PIK3C2B: variants seen among roughly 807,000 people sequenced by gnomAD.
The protein encoded by PIK3C2B is phosphatidylinositol 4-phosphate 3-kinase C2 domain-containing subunit beta.
Under a neutral mutation model 184.3 loss-of-function variants are expected in PIK3C2B, and 83 were observed. The observed-to-expected ratio is 0.45, with a 90% confidence interval of 0.38 to 0.54. The LOEUF (loss-of-function observed/expected upper bound fraction) is 0.54, where lower values mean the gene tolerates loss of function less well. Among genes scored for constraint, PIK3C2B ranks in the 20% least tolerant of loss-of-function variants. PIK3C2B has a pLI of 0.00. For missense variants in PIK3C2B, 1,736 were observed against 2,113.5 expected (o/e 0.82, Z 3.50); for synonymous variants, 779 against 837.6 (o/e 0.93, Z 1.21).
In PIK3C2B at chr1:204,457,905, G is replaced by T. The variant is rs566726927; in HGVS notation, c.1567-31C>A. 3.1e-6 allele frequency: 5 copies of T among 1,604,872 alleles called. No individual in the cohort carries two copies. In the African/African-American group the frequency reaches 5.4e-5, roughly 17 times the overall value. ...GGAGGTGGCACAGTGAGGCTGGCAGGCTCTGCTCTCATGCTCTTGGTCTCC... is the reference window on the plus strand; with the variant it reads ...GGAGGTGGCACAGTGAGGCTGGCAGTCTCTGCTCTCATGCTCTTGGTCTCC... On this transcript the variant is annotated intron_variant, in intron 8 of 32. Coordinates refer to ENST00000684373, the MANE Select transcript of PIK3C2B (RefSeq NM_001377334.1).
In PIK3C2B at chr1:204,468,883, A is replaced by C. The variant is rs771442075; in HGVS notation, c.920T>G (p.Ile307Ser). The change falls in exon 2 of 33, where the codon ATT becomes AGT. Residue 307 changes from isoleucine to serine, a missense_variant. By Grantham distance (142) the Ile-to-Ser change is moderately radical. This residue lies in a region of PIK3C2B where 404 missense variants were observed against 418.0 expected (regional missense o/e 0.97). Coordinates refer to ENST00000684373, the MANE Select transcript of PIK3C2B (RefSeq NM_001377334.1). ...GAAGGTCCTCACCGGGGCTGCAGAA[A>C]TCCGGCGGTTCTTGCCAGGCGTCGC... ...KNATPGKNRR[I>S]SAAPVGSRPH... The C allele has an allele frequency of 5.7e-6, 9 of 1,586,970 alleles. No individual in the cohort carries two copies. The East Asian group carries it at 1.8e-4, about 32-fold the overall frequency.
intron 23 of PIK3C2B, 79 bp downstream of exon 23, chr1:204,438,856 C>T: frequency 1.3e-6 from 2 of 1,499,934 alleles, no homozygotes; most frequent in Admixed American, 1.7e-5. Flanking sequence ...TGAGCAAGTG[C>T]AGGTCTTGTG....
At chr1:204,480,359 A>T (rs1347985304) in intron 1 of PIK3C2B, among the ~76,000 whole-genome samples, 1 of 152,174 alleles carries the variant, frequency 6.6e-6, no homozygotes, top group East Asian at 1.9e-4. Flanking sequence ...CCCAGATGAG[A>T]GGGAGGACCA....
chr1:204,424,520 C>A lies in PIK3C2B; in HGVS notation c.*332G>T. The A allele has an allele frequency of 2.4e-5, 7 of 287,122 alleles. No homozygotes were observed. The highest frequency in any genetic ancestry group is 4.8e-5 in the Non-Finnish European group (7 of 146,466). 17.8% of individuals were successfully genotyped at this position (287,122 alleles called of 1,614,324 possible). On this transcript the variant is annotated 3_prime_UTR_variant, in exon 33 of 33. Transcript: ENST00000684373. ...AAAAATTAAGATATCCACCCACCCA[C>A]CCCCAAAATGCTACTTCATACAGCC...
In PIK3C2B at chr1:204,469,164, C is replaced by A; in HGVS notation, c.639G>T (p.Val213=). 6.2e-7 allele frequency: 1 copy of A among 1,614,138 alleles called. No homozygotes were observed. The highest frequency in any genetic ancestry group is 2.2e-5 in the East Asian group (1 of 44,886). The stretch of plus-strand genomic sequence containing the variant: ...GGCGCCCCTGACCCCCACCTCCCAG[C>A]ACCTCTTCCTCTTCTAGGATCCGAT... ...LEHRILEEEE[V]LGGGGQGRLL... Residue 213 remains valine (V), a synonymous_variant, in exon 2 of 33, where the codon GTG becomes GTT. Coordinates refer to ENST00000684373, the MANE Select transcript of PIK3C2B (RefSeq NM_001377334.1).
At chr1:204,449,609 A>G (rs996596360) in intron 13 of PIK3C2B, among the ~76,000 whole-genome samples, 3 of 152,120 alleles carry the variant, frequency 2.0e-5, no homozygotes, top group African/African-American at 7.2e-5. Flanking sequence ...CTATTACCCA[A>G]GCATTGCTTT....
intron 1 of PIK3C2B, among the ~76,000 whole-genome samples, chr1:204,478,845 C>G (rs1056348497): frequency 1.3e-5 from 2 of 152,220 alleles, no homozygotes; most frequent in African/African-American, 4.8e-5. Context: ...ATCAGAGGGA[C>G]AGAAGCTTGG....
chr1:204,440,711 C>T (rs1675608116), intron 21 of PIK3C2B, among the ~76,000 whole-genome samples: 1 of 150,930 alleles, frequency 6.6e-6, no homozygotes. Flanking sequence ...ATTCTCATGC[C>T]TCAGCCTCCC....
At chr1:204,468,313 G>A (rs554657495) in intron 2 of PIK3C2B, among the ~76,000 whole-genome samples, 4 of 152,314 alleles carry the variant, frequency 2.6e-5, no homozygotes, top group African/African-American at 7.2e-5. Flanking sequence ...TTAGGAACGA[G>A]AGAGGCCAGG....
intron 3 of PIK3C2B, 70 bp downstream of exon 3, chr1:204,465,149 T>C (rs2942149): frequency 0.98 from 691,968 of 709,106 alleles, 339,440 homozygotes; most frequent in East Asian, 1. Flanking sequence ...AAAGAAAGTT[T>C]GGAAATGGAT....
chr1:204,455,882 G>A lies in PIK3C2B; in HGVS notation c.1917C>T (p.His639=). 3 of 1,613,300 alleles carry A rather than the reference G, an allele frequency of 1.9e-6. No homozygotes were observed. Among genetic ancestry groups the A allele is most frequent in the Non-Finnish European group, 2.5e-6 (3 of 1,179,472 alleles). ...TGGTAGCCCAGATGATGGGGATGCG[G>A]TGGGTGGCATAGACAGTGAAGGCCA... ...RSLAFTVYAT[H]RIPIIWATSY... The change falls in exon 11 of 33, where the codon CAC becomes CAT. Residue 639 remains histidine, a synonymous_variant. Transcript: ENST00000684373.
intron 2 of PIK3C2B, among the ~76,000 whole-genome samples, chr1:204,466,611 G>A (rs1393339431): frequency 6.6e-6 from 1 of 152,124 alleles, no homozygotes; most frequent in Non-Finnish European, 1.5e-5. Flanking sequence ...TAACCCACAA[G>A]AGAAAGGAGA....
Position 204,433,964 on chromosome 1 carries a change from A to T in PIK3C2B, c.3687-15T>A, listed in dbSNP as rs1435233086. 1 of 1,611,994 alleles carries T rather than the reference A, an allele frequency of 6.2e-7. No homozygotes were observed. Among genetic ancestry groups the T allele is most frequent in the Non-Finnish European group, 8.5e-7 (1 of 1,178,598 alleles). ...GGGCACGGTCCCTGAGCCAAGGGGA[A>T]CATACAGGTAGAAGGTCAACATGGA... On this transcript the variant is annotated splice_polypyrimidine_tract_variant and intron_variant, in intron 24 of 32. Coordinates refer to ENST00000684373, the MANE Select transcript of PIK3C2B (RefSeq NM_001377334.1). This position sits in a 1 kb window ranked among gnomAD's most constrained non-coding sequence, Gnocchi z 5.0.
chr1:204,467,131 G>T (rs908509959), intron 2 of PIK3C2B: 9 of 355,834 alleles, frequency 2.5e-5, no homozygotes, highest in Non-Finnish European at 4.5e-5. Context: ...CTGATGACAT[G>T]CAGGGGATGG....
chr1:204,432,156 C>T, intron 27 of PIK3C2B, 44 bp downstream of exon 27: 1 of 1,557,410 alleles, frequency 6.4e-7, no homozygotes, highest in South Asian at 1.1e-5. Flanking sequence ...AAGCCAGGGT[C>T]AGCAGAGAGC....
chr1:204,478,063 A>C (rs1028361083), intron 1 of PIK3C2B, among the ~76,000 whole-genome samples: 1 of 152,092 alleles, frequency 6.6e-6, no homozygotes, highest in African/African-American at 2.4e-5. Flanking sequence ...GGGCATCCTG[A>C]TTTTCAGTAG....
chr1:204,470,263 G>A (rs1190803939), intron 1 of PIK3C2B, among the ~76,000 whole-genome samples: 1 of 151,584 alleles, frequency 6.6e-6, no homozygotes, highest in Non-Finnish European at 1.5e-5. Flanking sequence ...CACCTCCCAG[G>A]TTCAAGTGAT....
rs747107584 is a variant in PIK3C2B at position 204,440,218 on chromosome 1, C to A, written c.3353G>T (p.Arg1118Leu). Residue 1118 changes from arginine (R) to leucine (L), a missense_variant, in exon 22 of 33, where the codon CGC becomes CTC. By Grantham distance (102) the Arg-to-Leu change is moderately radical. Coordinates refer to ENST00000684373, the MANE Select transcript of PIK3C2B (RefSeq NM_001377334.1). ...TCTGCCCCGGCCGGTGGAGAAGCAG[C>A]GGAAGATGACCATGCGCATGTCCAG... is the stretch of plus-strand genomic sequence containing the variant. ...EGLDMRMVIF[R>L]CFSTGRGRGM... 3 of 1,612,622 alleles carry A rather than the reference C, an allele frequency of 1.9e-6. No homozygotes were observed. The highest frequency in any genetic ancestry group is 3.3e-5 in the Admixed American group (2 of 59,960).
At chr1:204,480,785 G>C (rs771426585) in intron 1 of PIK3C2B, among the ~76,000 whole-genome samples, 3 of 151,930 alleles carry the variant, frequency 2.0e-5, no homozygotes, top group Non-Finnish European at 4.4e-5. Context: ...CATGGGAACC[G>C]GCTAAGGCGC....
Sources: allele counts gnomAD v4.1 joint callset (sites outside exome capture counted in the v4.1 genomes callset), GRCh38; gene constraint gnomAD v4.1.1; regional missense constraint gnomAD v4.1.1; non-coding constraint Gnocchi (gnomAD v3.1); transcripts MANE v1.5; gene names NCBI Gene and HGNC (gene_info 2026-07-23, HGNC 2026-07-21).